Variants in TDRP observed in about 807,000 individuals in gnomAD.
The protein encoded by TDRP is testis development related protein, also known as testis development-related protein.
TDRP carries 12 observed loss-of-function variants against 10.5 expected under a neutral mutation model. That is an observed-to-expected ratio of 1.15 (90% CI 0.73 to 1.86). The LOEUF (loss-of-function observed/expected upper bound fraction) is 1.86. Ranked by LOEUF, TDRP falls within the 40% of genes most tolerant of loss-of-function variation. The pLI, the probability that TDRP is intolerant of heterozygous loss-of-function variation, is 0.00. For synonymous variants in TDRP, 139 were observed against 95.4 expected (o/e 1.46, Z -2.67); for missense variants, 353 against 229.2 (o/e 1.54, Z -3.49).
intron 1 of TDRP, among the ~76,000 whole-genome samples, chr8:506,466 T>C (rs1355482433): frequency 1.3e-5 from 2 of 152,146 alleles, no homozygotes; most frequent in South Asian, 4.1e-4. Context: ...TGGCTGACAC[T>C]AAGCCGCAGC....
At chr8:494,825 T>G (rs893051656) in intron 1 of TDRP, 3 of 428,490 alleles carry the variant, frequency 7.0e-6, no homozygotes, top group Non-Finnish European at 1.3e-5. Context: ...TGATGCTGAG[T>G]AATCTAAATT....
chr8:505,090 G>C (rs1174522638), intron 1 of TDRP, among the ~76,000 whole-genome samples: 12 of 152,128 alleles, frequency 7.9e-5, no homozygotes, highest in Admixed American at 7.9e-4. Flanking sequence ...TTGTATGCCT[G>C]ATAAAAACAA....
At chr8:518,055 A>C (rs2116810738) in intron 1 of TDRP, among the ~76,000 whole-genome samples, 1 of 152,220 alleles carries the variant, frequency 6.6e-6, no homozygotes, top group Admixed American at 6.5e-5. Context: ...GCCACCGTAC[A>C]CTCATCCAGA....
chr8:532,345 A>G (rs964892068), intron 1 of TDRP, among the ~76,000 whole-genome samples: 7 of 152,190 alleles, frequency 4.6e-5, no homozygotes, highest in African/African-American at 7.2e-5. Flanking sequence ...GAAACCTGCA[A>G]TCTGTCTCAG....
chr8:534,266 AG>A (rs1447065198), intron 1 of TDRP, among the ~76,000 whole-genome samples: 3 of 152,250 alleles, frequency 2.0e-5, no homozygotes, highest in Non-Finnish European at 4.4e-5. Flanking sequence ...TATTCACAGT[AG>A]TTATGTTGTA....
upstream of TDRP, chr8:544,925 A>G (rs1183761524): frequency 8.0e-6 from 2 of 248,622 alleles, no homozygotes; most frequent in Admixed American, 1.1e-4. Flanking sequence ...CCCCCTCCCC[A>G]CCAGGCCCGC....
intron 1 of TDRP, among the ~76,000 whole-genome samples, chr8:495,860 G>T (rs10088768): frequency 6.6e-6 from 1 of 152,068 alleles, no homozygotes. Flanking sequence ...AAGGGGCAAA[G>T]GGCAGAGATG....
chr8:532,473 A>C (rs1246010575), intron 1 of TDRP, among the ~76,000 whole-genome samples: 2 of 152,240 alleles, frequency 1.3e-5, no homozygotes, highest in African/African-American at 4.8e-5. Flanking sequence ...TAGGGTGAAG[A>C]CCATGAATAC....
At chr8:506,290 G>A (rs746728393) in intron 1 of TDRP, among the ~76,000 whole-genome samples, 3 of 152,122 alleles carry the variant, frequency 2.0e-5, no homozygotes, top group Non-Finnish European at 2.9e-5. Context: ...GAGCAAACAA[G>A]ACCATTTACC....
At chr8:507,003 C>T (rs1801484110) in intron 1 of TDRP, among the ~76,000 whole-genome samples, 1 of 152,166 alleles carries the variant, frequency 6.6e-6, no homozygotes, top group Non-Finnish European at 1.5e-5. Context: ...ACTCACAGTT[C>T]TGCAAGCTTA....
chr8:545,005 T>TCAGGAC (rs1802603235), upstream of TDRP: 1 of 254,442 alleles, frequency 3.9e-6, no homozygotes. Flanking sequence ...CAAGCCCTCC[T>TCAGGAC]CAGGACCAGG....
In TDRP at chr8:491,913, G is replaced by C. The variant is rs1274062605; in HGVS notation, c.*486C>G. 2.6e-6 allele frequency: 3 copies of C among 1,145,294 alleles called. No homozygotes were observed. Among genetic ancestry groups the C allele is most frequent in the African/African-American group, 1.6e-5 (1 of 62,420 alleles). The allele number at this position is 1,145,294 out of a possible 1,614,324, so 70.9% of individuals were successfully genotyped here. ...GTTTAATAAGAACAAAGTTTAATTT[G>C]TCAAGTTAAACAAAATTTAACATAA... On this transcript the variant is annotated 3_prime_UTR_variant, in exon 3 of 3. Coordinates refer to ENST00000324079, the MANE Select transcript of TDRP (RefSeq NM_001384899.1).
At chr8:520,211 T>G (rs920139472) in intron 1 of TDRP, among the ~76,000 whole-genome samples, 1 of 152,224 alleles carries the variant, frequency 6.6e-6, no homozygotes, top group African/African-American at 2.4e-5. Context: ...CATTAGTTGT[T>G]TTTTTGTGCC....
At chr8:543,553 T>C (rs544570236) in intron 1 of TDRP, among the ~76,000 whole-genome samples, 1 of 148,356 alleles carries the variant, frequency 6.7e-6, no homozygotes, top group South Asian at 2.1e-4. Context: ...CATTCTGAAA[T>C]TAAAAAAAAA....
intron 1 of TDRP, among the ~76,000 whole-genome samples, chr8:542,262 A>G (rs1802514491): frequency 6.6e-6 from 1 of 152,200 alleles, no homozygotes; most frequent in African/African-American, 2.4e-5. Context: ...GGGAGGGTGC[A>G]CAGAGGGTCT....
At chr8:499,837 G>C (rs560776634) in intron 1 of TDRP, among the ~76,000 whole-genome samples, 1 of 152,360 alleles carries the variant, frequency 6.6e-6, no homozygotes, top group Admixed American at 6.5e-5. Flanking sequence ...AGTTCCTGAA[G>C]GGCCCAGGAA....
At chr8:513,110 C>A (rs1167538766) in intron 1 of TDRP, among the ~76,000 whole-genome samples, 28 of 147,140 alleles carry the variant, frequency 1.9e-4, no homozygotes, top group Non-Finnish European at 1.9e-4. Flanking sequence ...CACACTATTT[C>A]AAAAAAAAAA....
intron 1 of TDRP, among the ~76,000 whole-genome samples, chr8:522,442 C>T (rs748737193): frequency 2.6e-5 from 4 of 152,166 alleles, no homozygotes; most frequent in Non-Finnish European, 4.4e-5. Context: ...TCTCCCTTTG[C>T]CATGCATTGT....
rs1353030528 is a variant in TDRP at position 492,418 on chromosome 8, C to T, written c.539G>A (p.Ser180Asn). The T allele has an allele frequency of 1.3e-6, 2 of 1,562,424 alleles. No individual in the cohort carries two copies. Among genetic ancestry groups the T allele is most frequent in the South Asian group, 1.2e-5 (1 of 83,024 alleles). The change falls in exon 3 of 3, where the codon AGC becomes AAC. Residue 180 changes from serine (S) to asparagine (N), a missense_variant. Transcript: ENST00000324079. The stretch of plus-strand genomic sequence containing the variant: ...CCCCCCTCACTCCGCCTCCTCCGGG[C>T]TATCTGTCAGGTGGCCTTTACTCTG... ...RRQSKGHLTDSPEEAE is the reference protein window; with the variant it reads ...RRQSKGHLTDNPEEAE
Sources: gnomAD v4.1 joint callset for allele counts (sites outside exome capture counted in the v4.1 genomes callset) on GRCh38, gnomAD v4.1.1 for gene constraint, MANE v1.5 for transcripts, NCBI Gene and HGNC (gene_info 2026-07-23, HGNC 2026-07-21) for gene names.